Variants in MAP4 observed in about 807,000 individuals in gnomAD.
MAP4 encodes microtubule associated protein 4.
A neutral mutation model predicts 170.2 loss-of-function variants in MAP4; 76 were observed. The observed-to-expected ratio is 0.45, with a 90% CI of 0.37 to 0.54. MAP4 has a LOEUF of 0.54. Ranked by LOEUF, MAP4 falls within the 20% of genes least tolerant of loss-of-function variation. The probability of loss-of-function intolerance (pLI) is 0.00; values close to 1 mark genes in which losing one functional copy is unlikely to be tolerated. For synonymous variants in MAP4, 909 were observed against 994.5 expected (o/e 0.91, Z 1.62); for missense variants, 2,506 against 2,748.0 (o/e 0.91, Z 1.97).
At chr3:48,049,223 T>C (rs555287021) in intron 1 of MAP4, among the ~76,000 whole-genome samples, 18 of 152,374 alleles carry the variant, frequency 1.2e-4, no homozygotes, top group African/African-American at 3.8e-4. Flanking sequence ...ATAAGTCTGC[T>C]ATGAACAGTT....
At chr3:48,079,114 T>C (rs931773884) in intron 1 of MAP4, among the ~76,000 whole-genome samples, 2 of 151,914 alleles carry the variant, frequency 1.3e-5, no homozygotes, top group East Asian at 1.9e-4. Flanking sequence ...AAGGCTGAAG[T>C]GAGCTGTGAT....
At chr3:47,853,406 G>T (rs1216925742) in intron 19 of MAP4, 54 bp from the exon 20 acceptor site, 3 of 1,218,892 alleles carry the variant, frequency 2.5e-6, no homozygotes, top group Middle Eastern at 2.7e-4. Context: ...GGGGGAGTGG[G>T]ATGGGGTGAT....
In MAP4 at chr3:47,912,081, A is replaced by G; in HGVS notation, c.2340T>C (p.Tyr780=). 6.5e-7 allele frequency: 1 copy of G among 1,536,158 alleles called. No homozygotes were observed. Among genetic ancestry groups the G allele is most frequent in the South Asian group, 1.2e-5 (1 of 84,066 alleles). ...KKKKKPKQKR[Y]SQPRAGGPSD... ...AAGGTCCTCCAGCCCGTGGTTGAGA[A>G]TATCTCTTTTGCTTTGGTTTCTTCT... The change falls in exon 9 of 21, where the codon TAT becomes TAC. Residue 780 remains tyrosine, a synonymous_variant. Transcript: ENST00000683076.
rs1247801999 is a variant in MAP4, at chr3:47,852,091, C to T, written c.*843G>A. 6.5e-6 allele frequency: 1 copy of T among 152,818 alleles called. No homozygotes were observed. Among genetic ancestry groups the T allele is most frequent in the African/African-American group, 2.4e-5 (1 of 41,478 alleles). 9.5% of individuals were successfully genotyped at this position (152,818 alleles called of 1,614,324 possible). ...AGCCACAGCCTCTGCACCCCTCTTCCCTGCCGCACCGCCTCCAGGGCCCTA... is the reference window on the plus strand; with the variant it reads ...AGCCACAGCCTCTGCACCCCTCTTCTCTGCCGCACCGCCTCCAGGGCCCTA... On this transcript the variant is annotated 3_prime_UTR_variant, in exon 21 of 21. Coordinates refer to ENST00000683076, the MANE Select transcript of MAP4 (RefSeq NM_001385682.1).
At chr3:48,034,877 G>T (rs1450475739) in intron 1 of MAP4, among the ~76,000 whole-genome samples, 1 of 152,026 alleles carries the variant, frequency 6.6e-6, no homozygotes. Flanking sequence ...GCCAGGCATG[G>T]TGGCACATGC....
At position 47,852,842 on chromosome 3, in the gene MAP4, G is replaced by A. The variant is rs370167845; in HGVS notation, c.*92C>T. 236 of 1,555,986 alleles carry A rather than the reference G, an allele frequency of 1.5e-4. No homozygotes were observed. The highest frequency in any genetic ancestry group is 2.0e-4 in the Non-Finnish European group (225 of 1,149,750). On this transcript the variant is annotated 3_prime_UTR_variant, in exon 21 of 21. Transcript: ENST00000683076. ...CCAAGGACCCGGGAGCCCGAGTTGGGGCCGCCAGGGAAGTGTGGGGGGCGG... is the reference window on the plus strand; with the variant it reads ...CCAAGGACCCGGGAGCCCGAGTTGGAGCCGCCAGGGAAGTGTGGGGGGCGG...
chr3:48,082,890 T>A (rs576979348), intron 1 of MAP4, among the ~76,000 whole-genome samples: 145 of 151,362 alleles, frequency 9.6e-4, no homozygotes, highest in Non-Finnish European at 1.8e-3. Flanking sequence ...GTAAACCATC[T>A]CTATGGTATT....
At position 47,857,481 on chromosome 3, in the gene MAP4, G is replaced by A. The variant is rs1559774766; in HGVS notation, c.6533C>T (p.Ser2178Phe). The change falls in exon 18 of 21, where the codon TCT becomes TTT. Residue 2178 changes from serine (S) to phenylalanine (F), a missense_variant. Physicochemically the swap from Ser to Phe is radical, Grantham distance 155. Transcript: ENST00000683076. ...AGACCCACACTTGGAGGAGACCTTA[G>A]AGATGTCCACTTTCTTGTTCTGAAT... ...VQIQNKKVDI[S>F]KVSSKCGSKA... 3.1e-6 allele frequency: 5 copies of A among 1,614,042 alleles called. No individual in the cohort carries two copies. The highest frequency in any genetic ancestry group is 3.4e-6 in the Non-Finnish European group (4 of 1,179,920).
intron 10 of MAP4, chr3:47,891,242 C>A (rs933450224): frequency 2.6e-6 from 4 of 1,536,280 alleles, no homozygotes; most frequent in Non-Finnish European, 2.6e-6. Flanking sequence ...GAGATATAAT[C>A]CAGCAGTGCC....
chr3:48,057,947 A>G (rs956247796), intron 1 of MAP4, among the ~76,000 whole-genome samples: 1 of 152,246 alleles, frequency 6.6e-6, no homozygotes, highest in Non-Finnish European at 1.5e-5. Context: ...ACACAAATAT[A>G]CTAAATATTT....
At chr3:47,972,058 G>C (rs1408764783) in intron 3 of MAP4, among the ~76,000 whole-genome samples, 1 of 152,122 alleles carries the variant, frequency 6.6e-6, no homozygotes, top group Non-Finnish European at 1.5e-5. Context: ...TAATAAAAAG[G>C]AAATCTAAAA....
intron 1 of MAP4, among the ~76,000 whole-genome samples, chr3:48,037,822 C>A (rs1473734399): frequency 2.6e-5 from 4 of 152,122 alleles, no homozygotes; most frequent in Non-Finnish European, 5.9e-5. Flanking sequence ...TTCTACTATA[C>A]CACTTTATTA....
intron 10 of MAP4, among the ~76,000 whole-genome samples, chr3:47,878,012 C>A (rs1426189808): frequency 6.6e-6 from 1 of 152,186 alleles, no homozygotes; most frequent in African/African-American, 2.4e-5. Flanking sequence ...TGATCCAGTT[C>A]TAACAGTGAC....
intron 1 of MAP4, among the ~76,000 whole-genome samples, chr3:48,088,025 A>C (rs545073606): frequency 5.9e-5 from 9 of 152,326 alleles, no homozygotes; most frequent in African/African-American, 1.9e-4. Flanking sequence ...CCGTTCCTGG[A>C]AGTGAGCAAA....
chr3:47,941,425 G>A (rs1395128665), intron 3 of MAP4, among the ~76,000 whole-genome samples: 1 of 151,794 alleles, frequency 6.6e-6, no homozygotes, highest in African/African-American at 2.4e-5. Flanking sequence ...ACTGAATGCA[G>A]AGGCAGATAT....
At chr3:48,079,455 A>C (rs2100145509) in intron 1 of MAP4, among the ~76,000 whole-genome samples, 1 of 148,810 alleles carries the variant, frequency 6.7e-6, no homozygotes, top group South Asian at 2.1e-4. Context: ...GGAGTTCAAG[A>C]CCAGCCTGGT....
rs758512496 is a variant in MAP4, at chr3:47,912,070, C to T, written c.2351G>A (p.Arg784Gln). ...KPKQKRYSQP[R>Q]AGGPSDDDNA... ...GTCATCATCCGAAGGTCCTCCAGCC[C>T]GTGGTTGAGAATATCTCTTTTGCTT... The change falls in exon 9 of 21, where the codon CGG (arginine) becomes CAG (glutamine). Residue 784 changes from arginine (R) to glutamine (Q), a missense_variant. Arg to Gln is a conservative substitution (Grantham distance 43). This residue lies in a region of MAP4 where 2,008 missense variants were observed against 2,206.0 expected (regional missense o/e 0.91). Transcript: ENST00000683076. 10 of 1,536,118 alleles carry T rather than the reference C, an allele frequency of 6.5e-6. No individual in the cohort carries two copies. Among genetic ancestry groups the T allele is most frequent in the African/African-American group, 2.7e-5 (2 of 73,152 alleles).
intron 1 of MAP4, among the ~76,000 whole-genome samples, chr3:48,080,928 T>A (rs2154570230): frequency 6.6e-6 from 1 of 152,198 alleles, no homozygotes; most frequent in African/African-American, 2.4e-5. Context: ...ATAGAGACCA[T>A]CCTGGCTAAC....
At chr3:48,071,082 T>A (rs2100140781) in intron 1 of MAP4, among the ~76,000 whole-genome samples, 1 of 152,066 alleles carries the variant, frequency 6.6e-6, no homozygotes, top group Non-Finnish European at 1.5e-5. Flanking sequence ...TACAGTGTGC[T>A]TTTAAAAAGC....
Sources: allele counts gnomAD v4.1 joint callset (sites outside exome capture counted in the v4.1 genomes callset), GRCh38; gene constraint gnomAD v4.1.1; regional missense constraint gnomAD v4.1.1; transcripts MANE v1.5; gene names NCBI Gene and HGNC (gene_info 2026-07-23, HGNC 2026-07-21).